Variants in KIAA0930 observed in about 807,000 individuals in gnomAD.
KIAA0930 encodes KIAA0930, also known as uncharacterized protein KIAA0930.
A neutral mutation model predicts 43.9 loss-of-function variants in KIAA0930; 24 were observed. That is an observed-to-expected ratio of 0.55 (90% CI 0.40 to 0.77). The LOEUF (loss-of-function observed/expected upper bound fraction) is 0.77, where lower values mean the gene tolerates loss of function less well. Ranked by LOEUF, KIAA0930 falls within the 30% of genes least tolerant of loss-of-function variation. The probability of loss-of-function intolerance (pLI) is 0.00; values close to 1 mark genes in which losing one functional copy is unlikely to be tolerated. For missense variants in KIAA0930, 461 were observed against 574.2 expected, an observed-to-expected ratio of 0.80 and a Z score of 2.02; for synonymous variants, 259 against 216.4, an observed-to-expected ratio of 1.20 and a Z score of -1.73.
intron 1 of KIAA0930, among the ~76,000 whole-genome samples, chr22:45,227,685 G>A (rs1601824206): frequency 6.6e-6 from 1 of 152,298 alleles, no homozygotes; most frequent in African/African-American, 2.4e-5. Context: ...TCCGTAAAGG[G>A]GACTGCAGTG....
intron 1 of KIAA0930, among the ~76,000 whole-genome samples, chr22:45,215,571 G>A (rs985232672): frequency 4.6e-5 from 7 of 152,212 alleles, no homozygotes; most frequent in African/African-American, 1.7e-4. Context: ...ACATTTCCCC[G>A]AGGTAAAGCA....
chr22:45,212,481 G>A (rs564248257), intron 1 of KIAA0930: 10 of 1,438,042 alleles, frequency 7.0e-6, no homozygotes, highest in South Asian at 4.4e-5. Context: ...GCTTGGCTGG[G>A]GGGGAGCCTT....
intron 1 of KIAA0930, among the ~76,000 whole-genome samples, chr22:45,229,472 G>A (rs1354247880): frequency 1.3e-5 from 2 of 150,752 alleles, no homozygotes; most frequent in South Asian, 2.1e-4. Context: ...GTGGAGGGGA[G>A]CTCAGGTGGG....
At chr22:45,200,116 TCAAA>T in intron 7 of KIAA0930, 81 bp from the exon 8 acceptor site, 1 of 1,368,700 alleles carries the variant, frequency 7.3e-7, no homozygotes, top group Non-Finnish European at 9.8e-7. Context: ...TATCCCACCC[TCAAA>T]CAACCTGACA....
intron 1 of KIAA0930, among the ~76,000 whole-genome samples, chr22:45,236,767 A>G (rs990497781): frequency 4.6e-5 from 7 of 152,244 alleles, no homozygotes; most frequent in South Asian, 2.1e-4. Flanking sequence ...AGAGAAGAAC[A>G]GAACAATGTC....
intron 1 of KIAA0930, among the ~76,000 whole-genome samples, chr22:45,215,150 A>G (rs1195436486): frequency 6.6e-6 from 1 of 151,734 alleles, no homozygotes; most frequent in Non-Finnish European, 1.5e-5. Flanking sequence ...CCCGGGAGGC[A>G]GAGGCTGCAG....
rs928008844 is a variant in KIAA0930, at chr22:45,194,958, C to A, written c.*2218G>T. 3 of 152,250 alleles carry A rather than the reference C, an allele frequency of 2.0e-5. No individual in the cohort carries two copies. Among genetic ancestry groups the A allele is most frequent in the Non-Finnish European group, 4.4e-5 (3 of 68,058 alleles). The allele number at this position is 152,250 out of a possible 1,614,324, so 9.4% of individuals were successfully genotyped here. ...TAAGATGGGGTCGGACAGGCAGCTG[C>A]ACATGGTAGGCGCTGTGTGTCGGCT... is the stretch of plus-strand genomic sequence containing the variant. On this transcript the variant is annotated 3_prime_UTR_variant, in exon 10 of 10. Coordinates refer to ENST00000336156, the MANE Select transcript of KIAA0930 (RefSeq NM_001009880.2).
In KIAA0930 at chr22:45,205,616, G is replaced by A. The variant is rs373270754; in HGVS notation, c.414+14C>T. ...GGCAGTTAGGAGGCTGGGGGCTCTCGTGCCAGGGCTCACCTGAGATTTCTT... is the reference window on the plus strand; with the variant it reads ...GGCAGTTAGGAGGCTGGGGGCTCTCATGCCAGGGCTCACCTGAGATTTCTT... On this transcript the variant is annotated intron_variant, in intron 4 of 9. Transcript: ENST00000336156. 17 of 1,613,034 alleles carry A rather than the reference G, an allele frequency of 1.1e-5. No individual in the cohort carries two copies. Among genetic ancestry groups the A allele is most frequent in the South Asian group, 3.3e-5 (3 of 91,048 alleles).
intron 1 of KIAA0930, among the ~76,000 whole-genome samples, chr22:45,231,553 G>C (rs1434598486): frequency 6.6e-6 from 1 of 152,114 alleles, no homozygotes; most frequent in Non-Finnish European, 1.5e-5. Flanking sequence ...TCCCCAGGGA[G>C]GGCCAAGCTC....
chr22:45,219,295 C>T (rs531546899), intron 1 of KIAA0930, among the ~76,000 whole-genome samples: 226 of 152,274 alleles, frequency 1.5e-3, no homozygotes, highest in Non-Finnish European at 2.6e-3. Context: ...CACTTAGAAA[C>T]GATGAATGAC....
intron 7 of KIAA0930, 54 bp downstream of exon 7, chr22:45,202,936 T>C: frequency 4.1e-6 from 6 of 1,458,918 alleles, no homozygotes; most frequent in Non-Finnish European, 4.7e-6. Context: ...GGGGAGACGG[T>C]GGAAAGTGAA....
chr22:45,230,744 G>A (rs1444881778), intron 1 of KIAA0930, among the ~76,000 whole-genome samples: 5 of 151,850 alleles, frequency 3.3e-5, no homozygotes, highest in Non-Finnish European at 7.4e-5. Flanking sequence ...ACCACACCCG[G>A]CTAATTTTTA....
intron 2 of KIAA0930, among the ~76,000 whole-genome samples, chr22:45,209,049 A>C (rs2083667788): frequency 6.6e-6 from 1 of 152,188 alleles, no homozygotes; most frequent in Non-Finnish European, 1.5e-5. Context: ...AATCCAGGAC[A>C]TCCCTCCCTG....
At chr22:45,235,406 G>A (rs1393257256) in intron 1 of KIAA0930, 1 of 152,232 alleles carries the variant, frequency 6.6e-6, no homozygotes. Flanking sequence ...CCAGTCCCAG[G>A]AACGGGTAGA....
intron 1 of KIAA0930, among the ~76,000 whole-genome samples, chr22:45,235,934 G>A (rs180856837): frequency 2.0e-5 from 3 of 152,328 alleles, no homozygotes; most frequent in Admixed American, 6.5e-5. Context: ...GCAAAGTGAT[G>A]GCGGGTTGGG....
intron 2 of KIAA0930, among the ~76,000 whole-genome samples, chr22:45,208,487 ACG>A (rs2083660662): frequency 6.6e-6 from 1 of 151,448 alleles, no homozygotes; most frequent in Non-Finnish European, 1.5e-5. Flanking sequence ...CCGACTCCAC[ACG>A]CACGAGCTGT....
chr22:45,215,686 A>T (rs1249957515), intron 1 of KIAA0930, among the ~76,000 whole-genome samples: 1 of 152,234 alleles, frequency 6.6e-6, no homozygotes, highest in African/African-American at 2.4e-5. Flanking sequence ...TTAGTGGAAA[A>T]GCGGAACCCC....
chr22:45,234,001 A>C (rs1236338300), intron 1 of KIAA0930, among the ~76,000 whole-genome samples: 1 of 152,150 alleles, frequency 6.6e-6, no homozygotes, highest in Non-Finnish European at 1.5e-5. Flanking sequence ...CCCCAATCCC[A>C]CAGAACCCTT....
chr22:45,228,212 C>T (rs1174975578), intron 1 of KIAA0930, among the ~76,000 whole-genome samples: 2 of 152,096 alleles, frequency 1.3e-5, no homozygotes, highest in Non-Finnish European at 2.9e-5. Flanking sequence ...TTCTGATGTC[C>T]CCGATCCCCA....
Sources: gnomAD v4.1 joint callset for allele counts (sites outside exome capture counted in the v4.1 genomes callset) on GRCh38, gnomAD v4.1.1 for gene constraint, MANE v1.5 for transcripts, NCBI Gene and HGNC (gene_info 2026-07-23, HGNC 2026-07-21) for gene names.